The following PTPRD variants were observed in gnomAD, a reference collection of about 807,000 sequenced individuals.
The protein encoded by PTPRD is protein tyrosine phosphatase receptor type D, also known as receptor-type tyrosine-protein phosphatase delta.
Under a neutral mutation model 214.5 loss-of-function variants are expected in PTPRD, and 34 were observed. The ratio of observed to expected loss-of-function variants is 0.16; its 90% confidence interval spans 0.12 to 0.21. The LOEUF (loss-of-function observed/expected upper bound fraction) is 0.21, where lower values mean the gene tolerates loss of function less well. PTPRD is among the 10% of genes least tolerant of loss of function. The probability of loss-of-function intolerance (pLI) is 1.00; values close to 1 mark genes in which losing one functional copy is unlikely to be tolerated. For missense variants in PTPRD, 2,545 were observed against 2,398.7 expected (o/e 1.06, Z -1.27); for synonymous variants, 1,128 against 845.7 (o/e 1.33, Z -5.79).
chr9:9,423,976 C>G (rs1415275934), intron 8 of PTPRD, among the ~76,000 whole-genome samples: 2 of 152,202 alleles, frequency 1.3e-5, no homozygotes, highest in Non-Finnish European at 2.9e-5. Context: ...CAGTCATTCT[C>G]CCAAGTGCTG....
At chr9:9,842,187 C>A (rs1357665359) in intron 5 of PTPRD, among the ~76,000 whole-genome samples, 2 of 150,976 alleles carry the variant, frequency 1.3e-5, no homozygotes, top group Non-Finnish European at 3.0e-5. Flanking sequence ...TTTTACAAGG[C>A]TTTTCAAGTC....
rs142899665 is a variant in PTPRD, at chr9:8,808,083, T to C, written c.-103-74137A>G. ...GTCCCCAATTGATTTCCCCCTGCTC[T>C]TCATCATTGACACCACTTTAAACTC... On this transcript the variant is annotated intron_variant, in intron 11 of 45. Transcript: ENST00000381196. Among the ~76,000 whole-genome samples, 105 of 152,328 alleles carry C rather than the reference T, an allele frequency of 6.9e-4. No homozygotes were observed. In the East Asian group the frequency reaches 0.017, roughly 25 times the overall value.
intron 11 of PTPRD, among the ~76,000 whole-genome samples, chr9:8,782,534 G>A (rs1362392111): frequency 6.6e-6 from 1 of 151,372 alleles, no homozygotes; most frequent in Non-Finnish European, 1.5e-5. Context: ...CAAGGTAAAT[G>A]GGAAGGGAAC....
intron 3 of PTPRD, among the ~76,000 whole-genome samples, chr9:10,168,656 T>A (rs2099175416): frequency 6.6e-6 from 1 of 152,170 alleles, no homozygotes; most frequent in Non-Finnish European, 1.5e-5. Context: ...AATATAAAGT[T>A]TTTAGCCAAA....
Position 9,920,096 on chromosome 9 carries a change from T to C in PTPRD, c.-368+18411A>G, listed in dbSNP as rs796985408. 1.5e-4 allele frequency among the ~76,000 whole-genome samples: 23 copies of C among 152,274 alleles called. 1 individual carries two copies. The highest frequency in any genetic ancestry group is 5.3e-4 in the African/African-American group (22 of 41,560). ...TCAAATTTCTTAGACATGTTTTAAG[T>C]TTTACATTTAAATCAGTGACAAAAT... is the stretch of plus-strand genomic sequence containing the variant. On this transcript the variant is annotated intron_variant, in intron 5 of 45. Coordinates refer to ENST00000381196, the MANE Select transcript of PTPRD (RefSeq NM_002839.4).
chr9:9,045,935 G>A (rs2099671111), intron 10 of PTPRD, among the ~76,000 whole-genome samples: 2 of 152,074 alleles, frequency 1.3e-5, no homozygotes, highest in Non-Finnish European at 2.9e-5. Flanking sequence ...TGCTGAGATC[G>A]GTTTATCCAG....
At chr9:9,757,340 A>G (rs1338746248) in intron 6 of PTPRD, among the ~76,000 whole-genome samples, 2 of 152,202 alleles carry the variant, frequency 1.3e-5, no homozygotes, top group East Asian at 3.8e-4. Flanking sequence ...GATGTAAGGA[A>G]GTATACATTG....
intron 6 of PTPRD, among the ~76,000 whole-genome samples, chr9:9,751,455 T>A (rs1167524046): frequency 2.0e-5 from 3 of 152,078 alleles, no homozygotes; most frequent in Non-Finnish European, 1.5e-5. Flanking sequence ...CTACCTTTTA[T>A]AAATTGAATT....
chr9:8,492,832 C>G (rs2136296842), intron 27 of PTPRD, 30 bp downstream of exon 27: 2 of 1,537,588 alleles, frequency 1.3e-6, no homozygotes, highest in East Asian at 2.3e-5. Flanking sequence ...TATTACTGTT[C>G]AAGGCACATA....
At chr9:9,924,744 C>G (rs963498408) in intron 5 of PTPRD, among the ~76,000 whole-genome samples, 3 of 152,014 alleles carry the variant, frequency 2.0e-5, no homozygotes, top group Non-Finnish European at 4.4e-5. Context: ...AAAATAATTG[C>G]TTTAAAAATT....
At chr9:9,051,794 G>A (rs1167060694) in intron 10 of PTPRD, among the ~76,000 whole-genome samples, 1 of 152,232 alleles carries the variant, frequency 6.6e-6, no homozygotes, top group Non-Finnish European at 1.5e-5. Context: ...ACTGACTAAG[G>A]TGCTTATACC....
intron 11 of PTPRD, among the ~76,000 whole-genome samples, chr9:8,923,981 A>G (rs2098845988): frequency 1.3e-5 from 2 of 152,342 alleles, no homozygotes; most frequent in South Asian, 4.1e-4. Flanking sequence ...TTACATAGCT[A>G]AAAAGATTGA....
At chr9:10,273,496 T>A (rs2094527658) in intron 3 of PTPRD, among the ~76,000 whole-genome samples, 1 of 152,140 alleles carries the variant, frequency 6.6e-6, no homozygotes, top group Admixed American at 6.5e-5. Flanking sequence ...AAGTACCAAC[T>A]AATGTTTAAC....
chr9:9,617,888 T>C (rs1244959260), intron 7 of PTPRD, among the ~76,000 whole-genome samples: 3 of 151,130 alleles, frequency 2.0e-5, no homozygotes, highest in East Asian at 1.9e-4. Flanking sequence ...CTGGCTAACA[T>C]GGTGAAACCC....
At chr9:9,411,369 TA>T (rs540614655) in intron 8 of PTPRD, among the ~76,000 whole-genome samples, 4 of 151,600 alleles carry the variant, frequency 2.6e-5, no homozygotes, top group Middle Eastern at 3.2e-3. Context: ...AATCCTAAGC[TA>T]GCAAACTATG....
chr9:8,485,151 G>T, intron 29 of PTPRD, 76 bp downstream of exon 29: 3 of 1,262,380 alleles, frequency 2.4e-6, no homozygotes, highest in South Asian at 1.3e-5. Context: ...TCTGCTTGCT[G>T]TGCAAATAAC....
chr9:8,377,883 T>A (rs1389166619), intron 37 of PTPRD, among the ~76,000 whole-genome samples: 3 of 152,128 alleles, frequency 2.0e-5, no homozygotes, highest in Non-Finnish European at 4.4e-5. Context: ...TGTAATTTTC[T>A]CTTTCACAGA....
intron 14 of PTPRD, among the ~76,000 whole-genome samples, chr9:8,535,373 C>A (rs2076678842): frequency 6.6e-6 from 1 of 151,914 alleles, no homozygotes; most frequent in South Asian, 2.1e-4. Flanking sequence ...TGCCAAGTAA[C>A]CTCTGCAAAG....
At chr9:8,865,570 C>A (rs920013951) in intron 11 of PTPRD, among the ~76,000 whole-genome samples, 3 of 152,078 alleles carry the variant, frequency 2.0e-5, no homozygotes, top group Admixed American at 2.0e-4. Flanking sequence ...TCCTTTTCTT[C>A]TTTTTTCCTA....
Sources: allele counts gnomAD v4.1 joint callset (sites outside exome capture counted in the v4.1 genomes callset), GRCh38; gene constraint gnomAD v4.1.1; transcripts MANE v1.5; gene names NCBI Gene and HGNC (gene_info 2026-07-23, HGNC 2026-07-21).